The following ATP6V1E1 variants were observed in gnomAD, a reference collection of about 807,000 sequenced individuals.
ATP6V1E1 encodes the protein ATPase H+ transporting V1 subunit E1.
A neutral mutation model predicts 35.2 loss-of-function variants in ATP6V1E1; 21 were observed. That is an observed-to-expected ratio of 0.60 (90% confidence interval 0.42 to 0.86). ATP6V1E1 has a LOEUF of 0.86. Ranked by LOEUF, ATP6V1E1 falls within the 40% of genes least tolerant of loss-of-function variation. The pLI is 0.00. For synonymous variants in ATP6V1E1, 83 were observed against 87.8 expected, an observed-to-expected ratio of 0.95 and a Z score of 0.30; for missense variants, 183 against 272.6, an observed-to-expected ratio of 0.67 and a Z score of 2.32.
chr22:17,624,555 A>G (rs534665767), intron 1 of ATP6V1E1, among the ~76,000 whole-genome samples: 1 of 151,786 alleles, frequency 6.6e-6, no homozygotes, highest in Non-Finnish European at 1.5e-5. Flanking sequence ...CTGTCTCAAA[A>G]AAAAGAAAAA....
At chr22:17,609,569 C>T (rs973348151) in intron 4 of ATP6V1E1, among the ~76,000 whole-genome samples, 6 of 143,082 alleles carry the variant, frequency 4.2e-5, no homozygotes, top group Non-Finnish European at 9.1e-5. Context: ...CCTGGGTTCA[C>T]GCCTTTCTCC....
At chr22:17,594,036 C>G (rs574422535) in intron 8 of ATP6V1E1, among the ~76,000 whole-genome samples, 42 of 152,274 alleles carry the variant, frequency 2.8e-4, no homozygotes, top group African/African-American at 9.9e-4. Context: ...AACCCCGTCT[C>G]TACTAAAAAT....
Position 17,613,323 on chromosome 22 carries a change from A to G in ATP6V1E1, c.100-3T>C. Reference sequence around the variant, plus strand: ...TCTATGTTGAACTCTTCTTCTGCCTAGAGGGAAATTAGTCAATATTAATTC... The same window carrying G: ...TCTATGTTGAACTCTTCTTCTGCCTGGAGGGAAATTAGTCAATATTAATTC... On this transcript the variant is annotated splice_region_variant and splice_polypyrimidine_tract_variant and intron_variant, in intron 2 of 8. Transcript: ENST00000253413. The G allele has an allele frequency of 6.2e-7, 1 of 1,610,732 alleles. No homozygotes were observed. Among genetic ancestry groups the G allele is most frequent in the Non-Finnish European group, 8.5e-7 (1 of 1,177,158 alleles).
chr22:17,613,239 C>G lies in ATP6V1E1; in HGVS notation c.181G>C (p.Glu61Gln). 1 of 1,612,504 alleles carries G rather than the reference C, an allele frequency of 6.2e-7. No individual in the cohort carries two copies. Among genetic ancestry groups the G allele is most frequent in the Non-Finnish European group, 8.5e-7 (1 of 1,179,704 alleles). The change falls in exon 3 of 9, where the codon GAG becomes CAG. Residue 61 changes from glutamate to glutamine, a missense_variant. By Grantham distance (29) the Glu-to-Gln change is conservative. Transcript: ENST00000253413. ...TTCTTCTGCTGCTCAATCTGTTTCTCTTTCTTCTCATAATATTCCATAATC... is the reference window on the plus strand; with the variant it reads ...TTCTTCTGCTGCTCAATCTGTTTCTGTTTCTTCTCATAATATTCCATAATC... ...LKIMEYYEKK[E>Q]KQIEQQKKIQ...
At chr22:17,601,051 G>C (rs5747253) in intron 5 of ATP6V1E1, 41 bp downstream of exon 5, 4 of 1,547,758 alleles carry the variant, frequency 2.6e-6, no homozygotes, top group Non-Finnish European at 3.5e-6. Flanking sequence ...AATTTTCTCA[G>C]AACTGTGGCT....
At chr22:17,601,909 CTTTG>C (rs71315389) in intron 4 of ATP6V1E1, among the ~76,000 whole-genome samples, 52,541 of 151,350 alleles carry the variant, frequency 0.35, 9,390 homozygotes, top group African/African-American at 0.41. Flanking sequence ...CCTCAGCCCT[CTTTG>C]TTTGTTTTTG....
intron 1 of ATP6V1E1, among the ~76,000 whole-genome samples, chr22:17,620,824 G>A (rs2057872670): frequency 6.6e-6 from 1 of 152,110 alleles, no homozygotes; most frequent in Admixed American, 6.6e-5. Flanking sequence ...AGAACTTTGG[G>A]AGGCCGAGGC....
chr22:17,610,586 C>T (rs528010133), intron 4 of ATP6V1E1, among the ~76,000 whole-genome samples: 76 of 152,296 alleles, frequency 5.0e-4, no homozygotes, highest in Non-Finnish European at 8.8e-4. Context: ...TTTGCTATAA[C>T]CTTGTGTGTT....
intron 1 of ATP6V1E1, among the ~76,000 whole-genome samples, chr22:17,626,345 C>A (rs931157567): frequency 1.4e-5 from 2 of 142,462 alleles, no homozygotes; most frequent in Non-Finnish European, 3.1e-5. Context: ...AAAGAAAAAG[C>A]GGTCTTCCAT....
At chr22:17,594,646 AT>A in intron 7 of ATP6V1E1, 30 bp from the exon 8 acceptor site, 3 of 1,504,868 alleles carry the variant, frequency 2.0e-6, no homozygotes, top group African/African-American at 1.4e-5. Context: ...GGAAATAATC[AT>A]TTTCAAAGAC....
Position 17,592,616 on chromosome 22 carries a change from A to C in ATP6V1E1, c.*58T>G. 6.5e-7 allele frequency: 1 copy of C among 1,532,880 alleles called. No individual in the cohort carries two copies. The highest frequency in any genetic ancestry group is 9.0e-7 in the Non-Finnish European group (1 of 1,106,488). 95.0% of individuals were successfully genotyped at this position (1,532,880 alleles called of 1,614,324 possible). A position where few individuals can be genotyped will look rare whatever the true frequency, so the allele number is the denominator to read the frequency against. On this transcript the variant is annotated 3_prime_UTR_variant, in exon 9 of 9. Transcript: ENST00000253413. ...CAGAGACATTCGTGTTTCTTCAAAT[A>C]TCAGAAGCTTCCACATCACAGCAGG...
intron 7 of ATP6V1E1, among the ~76,000 whole-genome samples, chr22:17,597,156 C>T (rs542904910): frequency 2.4e-4 from 36 of 151,672 alleles, no homozygotes; most frequent in East Asian, 7.8e-4. Flanking sequence ...GCAGGAAAAT[C>T]GCTTGAACCT....
At chr22:17,626,349 C>T (rs1382721100) in intron 1 of ATP6V1E1, among the ~76,000 whole-genome samples, 4 of 147,376 alleles carry the variant, frequency 2.7e-5, no homozygotes, top group Non-Finnish European at 6.0e-5. Flanking sequence ...AAAAAGCGGT[C>T]TTCCATTTGA....
intron 4 of ATP6V1E1, among the ~76,000 whole-genome samples, chr22:17,612,150 G>A (rs1396082605): frequency 1.3e-5 from 2 of 151,966 alleles, no homozygotes; most frequent in African/African-American, 4.8e-5. Context: ...TGGTAATTTC[G>A]TTTCTTCTAT....
At chr22:17,596,672 G>A (rs759656702) in intron 7 of ATP6V1E1, among the ~76,000 whole-genome samples, 3 of 151,984 alleles carry the variant, frequency 2.0e-5, no homozygotes, top group Admixed American at 1.3e-4. Context: ...GAATAAACGA[G>A]TCCAAGATTA....
Position 17,628,715 on chromosome 22 carries a change from A to C in ATP6V1E1, c.-80T>G, listed in dbSNP as rs1250898031. 3 of 1,586,500 alleles carry C rather than the reference A, an allele frequency of 1.9e-6. No individual in the cohort carries two copies. The highest frequency in any genetic ancestry group is 1.7e-5 in the Admixed American group (1 of 59,956). ...TGAGGTGAGAGAAATCGGCAAAGGG[A>C]ACCCCTGCGCAGATCTCGGGTTCCT... is the stretch of plus-strand genomic sequence containing the variant. On this transcript the variant is annotated 5_prime_UTR_variant, in exon 1 of 9. Transcript: ENST00000253413.
At chr22:17,593,550 T>C (rs2057715790) in intron 8 of ATP6V1E1, among the ~76,000 whole-genome samples, 1 of 152,188 alleles carries the variant, frequency 6.6e-6, no homozygotes. Flanking sequence ...ATGGTTATTG[T>C]GTGCTGAGAA....
At position 17,598,097 on chromosome 22, in the gene ATP6V1E1, C is replaced by T. The variant is rs540348144; in HGVS notation, c.530+97G>A. The T allele has an allele frequency of 1.4e-4, 131 of 921,316 alleles. 2 individuals are homozygous for T. The highest frequency in any genetic ancestry group is 8.3e-4 in the South Asian group (57 of 68,826). 57.1% of individuals were successfully genotyped at this position (921,316 alleles called of 1,614,324 possible). A position where few individuals can be genotyped will look rare whatever the true frequency, so the allele number is the denominator to read the frequency against. The stretch of plus-strand genomic sequence containing the variant: ...AGCTCTAGCCTTGTGTCTAAGAGTG[C>T]GTTTAAATGGTGAAAATACCATTTA... On this transcript the variant is annotated intron_variant, in intron 7 of 8. Transcript: ENST00000253413.
chr22:17,612,994 A>C, intron 3 of ATP6V1E1, 116 bp from the exon 4 acceptor site: 1 of 1,055,816 alleles, frequency 9.5e-7, no homozygotes, highest in Non-Finnish European at 1.4e-6. Context: ...CACCAGGATT[A>C]CAAGCGTGAG....
Sources: gnomAD v4.1 joint callset for allele counts (sites outside exome capture counted in the v4.1 genomes callset) on GRCh38, gnomAD v4.1.1 for gene constraint, MANE v1.5 for transcripts, NCBI Gene and HGNC (gene_info 2026-07-23, HGNC 2026-07-21) for gene names.